Variants in GADL1 observed in about 807,000 individuals in gnomAD.
The protein encoded by GADL1 is acidic amino acid decarboxylase GADL1.
In GADL1, 71 loss-of-function variants were observed where a neutral mutation model predicts 69.5. The ratio of observed to expected loss-of-function variants is 1.02; its 90% CI spans 0.84 to 1.25. The LOEUF is 1.25. GADL1 is among the 50% of genes most tolerant of loss of function. GADL1 has a pLI of 0.00. For missense variants in GADL1, 737 were observed against 631.8 expected (o/e 1.17, Z -1.79); for synonymous variants, 254 against 214.4 (o/e 1.18, Z -1.62).
chr3:30,827,422 T>C (rs1396904532), intron 11 of GADL1, among the ~76,000 whole-genome samples: 1 of 151,502 alleles, frequency 6.6e-6, no homozygotes, highest in African/African-American at 2.4e-5. Flanking sequence ...CAGTCAGCAA[T>C]AGAAGCAATA....
At chr3:30,871,362 G>A (rs1443838862) in intron 1 of GADL1, among the ~76,000 whole-genome samples, 11 of 151,528 alleles carry the variant, frequency 7.3e-5, no homozygotes, top group African/African-American at 2.7e-4. Flanking sequence ...GCCAGGGAGA[G>A]GGAGGAAATG....
chr3:30,751,762 C>T (rs748224222), intron 14 of GADL1, among the ~76,000 whole-genome samples: 22 of 151,938 alleles, frequency 1.4e-4, no homozygotes, highest in Non-Finnish European at 2.4e-4. Context: ...CGCTGGTGCC[C>T]CCCGATGGTC....
chr3:30,734,765 T>C (rs1158905687), intron 14 of GADL1, among the ~76,000 whole-genome samples: 5 of 152,166 alleles, frequency 3.3e-5, no homozygotes, highest in Non-Finnish European at 7.3e-5. Context: ...TTCTCCCAAA[T>C]GAGACATCTT....
At chr3:30,847,195 G>C (rs1053910266) in intron 6 of GADL1, among the ~76,000 whole-genome samples, 4 of 152,144 alleles carry the variant, frequency 2.6e-5, no homozygotes, top group Admixed American at 6.5e-5. Flanking sequence ...TTTAGCACTA[G>C]AGAGGCAACC....
intron 11 of GADL1, among the ~76,000 whole-genome samples, chr3:30,821,646 G>A (rs578187760): frequency 1.7e-4 from 26 of 151,856 alleles, no homozygotes; most frequent in Admixed American, 5.9e-4. Flanking sequence ...TAATTCACAG[G>A]TTTAATATAA....
intron 14 of GADL1, among the ~76,000 whole-genome samples, chr3:30,762,799 T>C (rs1008430049): frequency 5.3e-5 from 8 of 152,102 alleles, no homozygotes; most frequent in African/African-American, 1.9e-4. Flanking sequence ...CTCAATTGTT[T>C]TTGATTTTTA....
chr3:30,781,972 A>AG (rs1040849292), intron 13 of GADL1, among the ~76,000 whole-genome samples: 51 of 152,134 alleles, frequency 3.4e-4, no homozygotes, highest in African/African-American at 1.1e-3. Context: ...ATGTCCAGCG[A>AG]GGGGTAACCA....
chr3:30,862,695 A>ATCACCTGG (rs1183445393), intron 1 of GADL1, among the ~76,000 whole-genome samples: 1 of 151,998 alleles, frequency 6.6e-6, no homozygotes, highest in Non-Finnish European at 1.5e-5. Context: ...TCTAAGAGGG[A>ATCACCTGG]TCACCTGGTC....
chr3:30,733,764 G>A (rs895523379), intron 14 of GADL1, among the ~76,000 whole-genome samples: 2 of 152,060 alleles, frequency 1.3e-5, no homozygotes, highest in East Asian at 1.9e-4. Flanking sequence ...GATACACCAC[G>A]GATCAAGGCA....
chr3:30,799,887 C>CT (rs529592545), intron 12 of GADL1: 1 of 152,314 alleles, frequency 6.6e-6, no homozygotes, highest in South Asian at 2.1e-4. Context: ...CAAGAGTCAA[C>CT]TTTGCTCCAG....
chr3:30,770,297 G>A (rs187147893), intron 14 of GADL1, among the ~76,000 whole-genome samples: 1 of 152,282 alleles, frequency 6.6e-6, no homozygotes, highest in Non-Finnish European at 1.5e-5. Flanking sequence ...TTAAGCTTCT[G>A]CCTTTCCTCG....
At chr3:30,835,362 A>T (rs536654401) in intron 9 of GADL1, among the ~76,000 whole-genome samples, 1 of 152,146 alleles carries the variant, frequency 6.6e-6, no homozygotes, top group Non-Finnish European at 1.5e-5. Context: ...ATTTAAAGGC[A>T]TAGGTAGACC....
intron 12 of GADL1, among the ~76,000 whole-genome samples, chr3:30,795,045 G>A (rs958919758): frequency 6.6e-6 from 1 of 152,112 alleles, no homozygotes; most frequent in Non-Finnish European, 1.5e-5. Flanking sequence ...TGCCAATAAC[G>A]TGCTCCTCAA....
At chr3:30,876,332 G>T (rs1159096760) in intron 1 of GADL1, among the ~76,000 whole-genome samples, 1 of 152,046 alleles carries the variant, frequency 6.6e-6, no homozygotes, top group African/African-American at 2.4e-5. Context: ...TATGGAAAGA[G>T]ATGGGATAGG....
At chr3:30,740,540 A>G (rs1695601817) in intron 14 of GADL1, among the ~76,000 whole-genome samples, 1 of 152,162 alleles carries the variant, frequency 6.6e-6, no homozygotes, top group Admixed American at 6.5e-5. Flanking sequence ...ACTATTTCAC[A>G]CAATTGAACC....
At chr3:30,879,704 G>T (rs947646870) in intron 1 of GADL1, among the ~76,000 whole-genome samples, 1 of 151,824 alleles carries the variant, frequency 6.6e-6, no homozygotes, top group Admixed American at 6.6e-5. Flanking sequence ...GCCAGAAATG[G>T]AGATTTTTCC....
intron 11 of GADL1, among the ~76,000 whole-genome samples, chr3:30,829,171 T>TAA (rs1697744471): frequency 1.3e-5 from 2 of 151,922 alleles, no homozygotes; most frequent in Admixed American, 1.3e-4. Context: ...GAAGTCAACC[T>TAA]ATTTATAATC....
intron 11 of GADL1, among the ~76,000 whole-genome samples, chr3:30,803,232 A>G (rs1697195596): frequency 6.6e-6 from 1 of 152,102 alleles, no homozygotes; most frequent in African/African-American, 2.4e-5. Flanking sequence ...CTTAGATTTT[A>G]TCATCAATAT....
chr3:30,814,030 G>A (rs552414031), intron 11 of GADL1, among the ~76,000 whole-genome samples: 35 of 152,096 alleles, frequency 2.3e-4, no homozygotes, highest in Non-Finnish European at 4.9e-4. Context: ...ACATAACAAG[G>A]AAAAAGGAAA....
Sources: allele counts gnomAD v4.1 joint callset (sites outside exome capture counted in the v4.1 genomes callset), GRCh38; gene constraint gnomAD v4.1.1; transcripts MANE v1.5; gene names NCBI Gene and HGNC (gene_info 2026-07-23, HGNC 2026-07-21).